Variants in MAML3 observed in about 807,000 individuals in gnomAD.
The protein encoded by MAML3 is mastermind like transcriptional coactivator 3, also known as mastermind-like protein 3.
Under a neutral mutation model 101.9 loss-of-function variants are expected in MAML3, and 27 were observed. That is an observed-to-expected ratio of 0.27 (90% CI 0.20 to 0.37). MAML3 has a LOEUF of 0.37. MAML3 is among the 10% of genes least tolerant of loss of function. The pLI is 1.00. For missense variants in MAML3, 1,316 were observed against 1,444.9 expected, an observed-to-expected ratio of 0.91 and a Z score of 1.45; for synonymous variants, 501 against 555.9, an observed-to-expected ratio of 0.90 and a Z score of 1.39.
chr4:139,793,525 G>A (rs1027140783), intron 2 of MAML3, among the ~76,000 whole-genome samples: 3 of 152,128 alleles, frequency 2.0e-5, no homozygotes, highest in Non-Finnish European at 4.4e-5. Context: ...AGCTGGAATC[G>A]ACTCATTTCA....
chr4:139,750,154 C>T (rs1161947018), intron 2 of MAML3, among the ~76,000 whole-genome samples: 2 of 152,142 alleles, frequency 1.3e-5, no homozygotes, highest in Non-Finnish European at 2.9e-5. Flanking sequence ...TAGCTCATTG[C>T]CCACATGATA....
chr4:140,029,818 C>T (rs1457276167), intron 1 of MAML3, among the ~76,000 whole-genome samples: 1 of 151,860 alleles, frequency 6.6e-6, no homozygotes, highest in Non-Finnish European at 1.5e-5. Context: ...AAAATTCGTA[C>T]AAAATAAATC....
At chr4:139,826,712 T>C (rs1401566805) in intron 2 of MAML3, among the ~76,000 whole-genome samples, 2 of 152,020 alleles carry the variant, frequency 1.3e-5, no homozygotes, top group African/African-American at 4.8e-5. Context: ...TGTCCAGAAC[T>C]CCATCATTTA....
intron 1 of MAML3, among the ~76,000 whole-genome samples, chr4:139,928,982 G>A (rs1018328995): frequency 2.0e-5 from 3 of 152,206 alleles, no homozygotes; most frequent in African/African-American, 7.2e-5. Context: ...GGAAGTATAT[G>A]AGCATAATCA....
In MAML3 at chr4:140,061,196, T is replaced by G. The variant is rs568155050; in HGVS notation, c.468+91664A>C. On this transcript the variant is annotated intron_variant, in intron 1 of 4. Coordinates refer to ENST00000509479, the MANE Select transcript of MAML3 (RefSeq NM_018717.5). ...AAATCCTAGAGCCGTATTTCATTTT[T>G]CAGTGAACACCCTGGGAACAGTCAT... Among the ~76,000 whole-genome samples, 9 of 152,350 alleles carry G rather than the reference T, an allele frequency of 5.9e-5. No homozygotes were observed. In the East Asian group the frequency reaches 1.5e-3, roughly 26 times the overall value.
At chr4:139,786,223 A>G (rs1285573499) in intron 2 of MAML3, among the ~76,000 whole-genome samples, 1 of 152,050 alleles carries the variant, frequency 6.6e-6, no homozygotes, top group Non-Finnish European at 1.5e-5. Flanking sequence ...TCCAGCCTCC[A>G]GAGCTGTGAG....
intron 1 of MAML3, among the ~76,000 whole-genome samples, chr4:140,057,357 A>G (rs1727367323): frequency 6.6e-6 from 1 of 152,212 alleles, no homozygotes; most frequent in African/African-American, 2.4e-5. Context: ...GAAAGAAGAC[A>G]AAATCTTTTT....
At chr4:140,074,391 C>T (rs944201839) in intron 1 of MAML3, among the ~76,000 whole-genome samples, 1 of 152,092 alleles carries the variant, frequency 6.6e-6, no homozygotes, top group Non-Finnish European at 1.5e-5. Flanking sequence ...TCAGCTGCCA[C>T]CACAAATGAC....
At chr4:139,946,002 C>G (rs199808150) in intron 1 of MAML3, among the ~76,000 whole-genome samples, 1 of 152,190 alleles carries the variant, frequency 6.6e-6, no homozygotes, top group Non-Finnish European at 1.5e-5. Context: ...ATTTTAGCAC[C>G]AGACATCTAA....
At chr4:140,125,182 T>C (rs1314959930) in intron 1 of MAML3, among the ~76,000 whole-genome samples, 1 of 152,186 alleles carries the variant, frequency 6.6e-6, no homozygotes, top group Non-Finnish European at 1.5e-5. Flanking sequence ...TATTAACACA[T>C]ATAAATGATA....
chr4:139,974,486 A>G (rs1156896566), intron 1 of MAML3, among the ~76,000 whole-genome samples: 1 of 152,162 alleles, frequency 6.6e-6, no homozygotes, highest in Non-Finnish European at 1.5e-5. Flanking sequence ...AGTATAAGGC[A>G]TGTTATCATT....
intron 1 of MAML3, among the ~76,000 whole-genome samples, chr4:140,139,657 A>T (rs1341830216): frequency 6.6e-6 from 1 of 152,236 alleles, no homozygotes; most frequent in Non-Finnish European, 1.5e-5. Context: ...TTACATGTTT[A>T]TTGCAACAGC....
rs1347233268 is a variant in MAML3, at chr4:139,890,549, T to C, written c.887A>G (p.Asn296Ser). The change falls in exon 2 of 5, where the codon AAC becomes AGC. Residue 296 changes from asparagine (N) to serine (S), a missense_variant. Coordinates refer to ENST00000509479, the MANE Select transcript of MAML3 (RefSeq NM_018717.5). The surrounding 1 kb of genome is among the most constrained non-coding windows in gnomAD (Gnocchi z 4.1). ...CAGATTAATGTCTGAGAACAGCTTG[T>C]TCTGATTTGAAAGAGATGTTTCTGA... ...DTSETSLSNQNKLFSDINLND... is the reference protein window; with the variant it reads ...DTSETSLSNQSKLFSDINLND... 6.2e-7 allele frequency: 1 copy of C among 1,613,914 alleles called. No homozygotes were observed. The highest frequency in any genetic ancestry group is 8.5e-7 in the Non-Finnish European group (1 of 1,179,904).
intron 1 of MAML3, among the ~76,000 whole-genome samples, chr4:140,132,021 C>T (rs1560903584): frequency 6.6e-6 from 1 of 152,182 alleles, no homozygotes; most frequent in African/African-American, 2.4e-5. Context: ...TGTGTATGTG[C>T]GGCAATTGGA....
At chr4:139,751,143 A>G (rs1008588751) in intron 2 of MAML3, among the ~76,000 whole-genome samples, 6 of 152,214 alleles carry the variant, frequency 3.9e-5, no homozygotes, top group Non-Finnish European at 1.5e-5. Flanking sequence ...AAATAACAAA[A>G]TGCCTCTGAA....
chr4:139,890,391 G>T lies in MAML3; in HGVS notation c.1045C>A (p.Pro349Thr). 6.2e-7 allele frequency: 1 copy of T among 1,603,282 alleles called. No homozygotes were observed. Among genetic ancestry groups the T allele is most frequent in the Non-Finnish European group, 8.5e-7 (1 of 1,173,032 alleles). ...ACGCTCGCACTCTCCTGGGAGAGAG[G>T]GGTCTCAGTTGCTGGCTGCGAGAAT... ...PEFSQPATET[P>T]LSQESASVKS... Residue 349 changes from proline to threonine, a missense_variant, in exon 2 of 5, where the codon CCT (proline) becomes ACT (threonine). Transcript: ENST00000509479. This position sits in a 1 kb window ranked among gnomAD's most constrained non-coding sequence, Gnocchi z 4.1.
In MAML3 at chr4:139,720,071, A is replaced by T. The variant is rs1728169330; in HGVS notation, c.2669T>A (p.Met890Lys). 1 of 1,614,066 alleles carries T rather than the reference A, an allele frequency of 6.2e-7. No individual in the cohort carries two copies. Among genetic ancestry groups the T allele is most frequent in the Non-Finnish European group, 8.5e-7 (1 of 1,179,904 alleles). ...QMLQHPNQSGMSITHNQAQGP... is the reference protein window; with the variant it reads ...QMLQHPNQSGKSITHNQAQGP... Reference sequence around the variant, plus strand: ...CTGGGCTTGGTTATGTGTGATGCTCATGCCACTTTGGTTTGGATGCTGCAA... The same window carrying T: ...CTGGGCTTGGTTATGTGTGATGCTCTTGCCACTTTGGTTTGGATGCTGCAA... The change falls in exon 5 of 5, where the codon ATG (methionine) becomes AAG (lysine). Residue 890 changes from methionine (M) to lysine (K), a missense_variant. Coordinates refer to ENST00000509479, the MANE Select transcript of MAML3 (RefSeq NM_018717.5).
At chr4:140,088,330 C>T (rs1727991847) in intron 1 of MAML3, among the ~76,000 whole-genome samples, 1 of 152,138 alleles carries the variant, frequency 6.6e-6, no homozygotes, top group Non-Finnish European at 1.5e-5. Context: ...CCTCTCTCCC[C>T]TATCCCCTTC....
chr4:140,062,830 A>G (rs1377953312), intron 1 of MAML3, among the ~76,000 whole-genome samples: 3 of 152,222 alleles, frequency 2.0e-5, no homozygotes, highest in Admixed American at 6.5e-5. Context: ...AGTCTTTTCC[A>G]CTTATTTCCT....
Sources: allele counts gnomAD v4.1 joint callset (sites outside exome capture counted in the v4.1 genomes callset), GRCh38; gene constraint gnomAD v4.1.1; non-coding constraint Gnocchi (gnomAD v3.1); transcripts MANE v1.5; gene names NCBI Gene and HGNC (gene_info 2026-07-23, HGNC 2026-07-21).